FGGY: variants seen among roughly 807,000 people sequenced by gnomAD.
FGGY encodes the protein FGGY carbohydrate kinase domain containing.
FGGY carries 72 observed loss-of-function variants against 71.3 expected under a neutral mutation model. The observed-to-expected ratio is 1.01, with a 90% CI of 0.84 to 1.23. FGGY has a LOEUF of 1.23. Among genes scored for constraint, FGGY ranks in the 50% most tolerant of loss-of-function variants. The pLI is 0.00. For synonymous variants in FGGY, 251 were observed against 250.3 expected, an observed-to-expected ratio of 1.00 and a Z score of -0.02; for missense variants, 668 against 682.3, an observed-to-expected ratio of 0.98 and a Z score of 0.23.
At chr1:59,564,494 GC>G (rs368812977) in intron 8 of FGGY, among the ~76,000 whole-genome samples, 1 of 152,326 alleles carries the variant, frequency 6.6e-6, no homozygotes, top group East Asian at 1.9e-4. Flanking sequence ...GGCCTGGGGG[GC>G]CCATGTTTCA....
intron 5 of FGGY, among the ~76,000 whole-genome samples, chr1:59,411,416 C>T (rs1488053923): frequency 6.6e-6 from 1 of 152,220 alleles, no homozygotes; most frequent in Non-Finnish European, 1.5e-5. Context: ...TCCAGTTTAT[C>T]CACTGTAAAG....
chr1:59,485,665 A>G (rs1375262960), intron 6 of FGGY, among the ~76,000 whole-genome samples: 2 of 152,130 alleles, frequency 1.3e-5, no homozygotes, highest in African/African-American at 4.8e-5. Context: ...AAAAATGGTG[A>G]CTCATAAGGT....
chr1:59,503,759 A>G (rs2094303047), intron 6 of FGGY, among the ~76,000 whole-genome samples: 1 of 151,634 alleles, frequency 6.6e-6, no homozygotes, highest in Non-Finnish European at 1.5e-5. Flanking sequence ...AAATATGTAT[A>G]ATAACACCAC....
intron 5 of FGGY, among the ~76,000 whole-genome samples, chr1:59,439,235 G>A (rs2897688): frequency 0.54 from 81,343 of 151,948 alleles, 21,955 homozygotes; most frequent in Middle Eastern, 0.58. Context: ...CCTCATAGCC[G>A]CTCAATAGAT....
chr1:59,555,259 T>G (rs1460235558), intron 8 of FGGY, among the ~76,000 whole-genome samples: 1 of 152,178 alleles, frequency 6.6e-6, no homozygotes, highest in Non-Finnish European at 1.5e-5. Context: ...ATACTAAGCA[T>G]CTGTTATGTG....
chr1:59,302,471 A>G (rs2042910641), intron 1 of FGGY, among the ~76,000 whole-genome samples: 1 of 152,244 alleles, frequency 6.6e-6, no homozygotes, highest in Non-Finnish European at 1.5e-5. Context: ...ATGGAATACT[A>G]TGCAGCCATA....
intron 9 of FGGY, among the ~76,000 whole-genome samples, chr1:59,612,571 G>C: frequency 6.6e-6 from 1 of 152,182 alleles, no homozygotes; most frequent in African/African-American, 2.4e-5. Flanking sequence ...ATCAAGGCTG[G>C]GAAGAAACTG....
chr1:59,384,323 C>G (rs980207305), intron 5 of FGGY, among the ~76,000 whole-genome samples: 2 of 152,136 alleles, frequency 1.3e-5, no homozygotes, highest in East Asian at 1.9e-4. Context: ...TACCAGGTTC[C>G]TCTTGCAAAG....
At chr1:59,517,359 G>A (rs933821061) in intron 7 of FGGY, among the ~76,000 whole-genome samples, 39 of 142,886 alleles carry the variant, frequency 2.7e-4, no homozygotes, top group African/African-American at 8.7e-4. Context: ...TCCGCCTCCC[G>A]GGTTCACGCC....
intron 14 of FGGY, among the ~76,000 whole-genome samples, chr1:59,685,350 A>G (rs2097536018): frequency 6.6e-6 from 1 of 152,082 alleles, no homozygotes; most frequent in South Asian, 2.1e-4. Context: ...CCTAGGATGC[A>G]GTAGGAATGC....
intron 5 of FGGY, among the ~76,000 whole-genome samples, chr1:59,438,082 CA>C (rs1265514997): frequency 5.9e-5 from 9 of 152,130 alleles, no homozygotes; most frequent in Non-Finnish European, 1.3e-4. Context: ...TATTGAGGGC[CA>C]GTATATGGGT....
intron 4 of FGGY, among the ~76,000 whole-genome samples, chr1:59,368,072 G>A (rs973831088): frequency 2.0e-5 from 3 of 152,076 alleles, no homozygotes; most frequent in African/African-American, 7.2e-5. Context: ...CCTGGTAACT[G>A]GAGGATAGAA....
At chr1:59,720,261 C>A (rs534009637) in intron 14 of FGGY, among the ~76,000 whole-genome samples, 1 of 152,148 alleles carries the variant, frequency 6.6e-6, no homozygotes, top group Non-Finnish European at 1.5e-5. Context: ...TTAAGCAAGT[C>A]CCAGTCATGA....
intron 6 of FGGY, among the ~76,000 whole-genome samples, chr1:59,496,235 T>C (rs2094026226): frequency 6.6e-6 from 1 of 152,156 alleles, no homozygotes; most frequent in South Asian, 2.1e-4. Context: ...ATTTTTATTT[T>C]TTGTGTCACT....
intron 4 of FGGY, among the ~76,000 whole-genome samples, chr1:59,361,611 T>C (rs1392890993): frequency 6.6e-6 from 1 of 152,198 alleles, no homozygotes; most frequent in Non-Finnish European, 1.5e-5. Context: ...ATATATTCCA[T>C]GCTATTAATT....
At chr1:59,593,634 CT>C (rs1317606366) in intron 8 of FGGY, among the ~76,000 whole-genome samples, 1 of 152,192 alleles carries the variant, frequency 6.6e-6, no homozygotes, top group African/African-American at 2.4e-5. Flanking sequence ...TATAGTTTAC[CT>C]TTCAGCCAAA....
At chr1:59,593,969 G>A (rs549055044) in intron 8 of FGGY, among the ~76,000 whole-genome samples, 1 of 152,300 alleles carries the variant, frequency 6.6e-6, no homozygotes, top group South Asian at 2.1e-4. Flanking sequence ...CAGGGGCTCT[G>A]CACAAAAGGC....
intron 6 of FGGY, among the ~76,000 whole-genome samples, chr1:59,487,269 C>T (rs2093684933): frequency 6.6e-6 from 1 of 152,170 alleles, no homozygotes; most frequent in Non-Finnish European, 1.5e-5. Flanking sequence ...CTCTCTGCAT[C>T]TCCTTCATTT....
chr1:59,502,967 C>T (rs2094273758), intron 6 of FGGY, among the ~76,000 whole-genome samples: 1 of 152,196 alleles, frequency 6.6e-6, no homozygotes, highest in Non-Finnish European at 1.5e-5. Flanking sequence ...CCAGGGGAGC[C>T]TCCTGCAAAT....
Sources: allele counts gnomAD v4.1 joint callset (sites outside exome capture counted in the v4.1 genomes callset), GRCh38; gene constraint gnomAD v4.1.1; transcripts MANE v1.5; gene names NCBI Gene and HGNC (gene_info 2026-07-23, HGNC 2026-07-21).